The following SFMBT2 variants were observed in gnomAD, a reference collection of about 807,000 sequenced individuals.
The protein encoded by SFMBT2 is scm-like with four MBT domains protein 2.
Under a neutral mutation model 110.1 loss-of-function variants are expected in SFMBT2, and 38 were observed. The observed-to-expected ratio is 0.35, with a 90% CI of 0.27 to 0.45. SFMBT2 has a LOEUF of 0.45. Ranked by LOEUF, SFMBT2 falls within the 20% of genes least tolerant of loss-of-function variation. The pLI is 1.00. For synonymous variants in SFMBT2, 425 were observed against 425.4 expected (o/e 1.00, Z 0.01); for missense variants, 1,011 against 1,094.9 (o/e 0.92, Z 1.08).
chr10:7,208,229 C>G (rs1839213788), intron 11 of SFMBT2, among the ~76,000 whole-genome samples: 1 of 152,134 alleles, frequency 6.6e-6, no homozygotes, highest in Non-Finnish European at 1.5e-5. Context: ...TCCAATAAAG[C>G]AGGTCCCCGG....
intron 9 of SFMBT2, among the ~76,000 whole-genome samples, chr10:7,238,101 C>T (rs1840315158): frequency 6.6e-6 from 1 of 152,162 alleles, no homozygotes; most frequent in Non-Finnish European, 1.5e-5. Flanking sequence ...GTGGAAGGCA[C>T]TGGACAGTCT....
chr10:7,291,318 A>AT (rs1842256277), intron 4 of SFMBT2, among the ~76,000 whole-genome samples: 1 of 152,126 alleles, frequency 6.6e-6, no homozygotes, highest in Admixed American at 6.5e-5. Context: ...AGGGTATTTC[A>AT]TTTTTTGTTG....
chr10:7,345,571 C>T (rs978929439), intron 4 of SFMBT2, among the ~76,000 whole-genome samples: 4 of 152,090 alleles, frequency 2.6e-5, no homozygotes, highest in Admixed American at 2.6e-4. Context: ...GTTGGTCAGG[C>T]TGGTCTCGAA....
chr10:7,194,792 A>T (rs931799578), intron 15 of SFMBT2, among the ~76,000 whole-genome samples: 1 of 152,170 alleles, frequency 6.6e-6, no homozygotes, highest in Non-Finnish European at 1.5e-5. Flanking sequence ...TAGTTTTGTC[A>T]TTAGAAAACT....
At chr10:7,262,789 T>G (rs1421945285) in intron 7 of SFMBT2, among the ~76,000 whole-genome samples, 1 of 152,204 alleles carries the variant, frequency 6.6e-6, no homozygotes, top group Non-Finnish European at 1.5e-5. Flanking sequence ...CTCTTTAGTG[T>G]GTCTCTTATA....
intron 16 of SFMBT2, among the ~76,000 whole-genome samples, chr10:7,180,756 A>G (rs1461661722): frequency 6.6e-6 from 1 of 152,166 alleles, no homozygotes; most frequent in African/African-American, 2.4e-5. Context: ...AGGCCGTCGC[A>G]TGTGGGGACA....
intron 6 of SFMBT2, among the ~76,000 whole-genome samples, chr10:7,278,079 G>A (rs1198263726): frequency 2.6e-5 from 4 of 152,124 alleles, no homozygotes; most frequent in African/African-American, 9.7e-5. Flanking sequence ...ACACACAAAG[G>A]GTAATTCACA....
chr10:7,226,176 C>G (rs1238941662), intron 10 of SFMBT2, among the ~76,000 whole-genome samples: 1 of 152,204 alleles, frequency 6.6e-6, no homozygotes. Flanking sequence ...TGACTGCTCC[C>G]CGGATCATGC....
At chr10:7,249,632 G>T (rs906429261) in intron 7 of SFMBT2, 8 of 787,548 alleles carry the variant, frequency 1.0e-5, no homozygotes, top group Non-Finnish European at 1.1e-5. Flanking sequence ...TTACTCCAAC[G>T]ACGCCACTCT....
chr10:7,328,499 G>A lies in SFMBT2; in HGVS notation c.436+39150C>T, dbSNP rs555986528. On this transcript the variant is annotated intron_variant, in intron 4 of 20. Coordinates refer to ENST00000397167, the MANE Select transcript of SFMBT2 (RefSeq NM_001387889.1). ...ATGAAGTCCACTTTATCAATTTGTT[G>A]TCTGTTCTCATGTCTATGAACTCTT... Among the ~76,000 whole-genome samples, 10 of 152,254 alleles carry A rather than the reference G, an allele frequency of 6.6e-5. 1 individual carries two copies. In the South Asian group the frequency reaches 2.1e-3, roughly 32 times the overall value.
intron 9 of SFMBT2, among the ~76,000 whole-genome samples, chr10:7,240,922 T>C (rs1840408775): frequency 1.3e-5 from 2 of 152,300 alleles, no homozygotes; most frequent in African/African-American, 2.4e-5. Context: ...ATTTACCACA[T>C]TCTTGAATGA....
At chr10:7,178,320 G>A (rs1312294175) in intron 16 of SFMBT2, among the ~76,000 whole-genome samples, 2 of 152,204 alleles carry the variant, frequency 1.3e-5, no homozygotes, top group African/African-American at 4.8e-5. Flanking sequence ...TCTAGATGAA[G>A]GGTATGGAAG....
intron 4 of SFMBT2, among the ~76,000 whole-genome samples, chr10:7,318,429 T>C (rs1843078283): frequency 6.6e-6 from 1 of 152,234 alleles, no homozygotes; most frequent in Non-Finnish European, 1.5e-5. Context: ...GGAGGTGATA[T>C]TGTCCCCACT....
chr10:7,333,028 A>C (rs1411973554), intron 4 of SFMBT2, among the ~76,000 whole-genome samples: 1 of 152,074 alleles, frequency 6.6e-6, no homozygotes, highest in Non-Finnish European at 1.5e-5. Flanking sequence ...CACCACGCCC[A>C]GCTAATTTTT....
intron 1 of SFMBT2, among the ~76,000 whole-genome samples, chr10:7,406,465 TAA>T (rs76194396): frequency 3.7e-4 from 44 of 119,976 alleles, no homozygotes; most frequent in Admixed American, 5.0e-4. Flanking sequence ...GGGCAGTGGT[TAA>T]AAAAAAAAAA....
At chr10:7,386,759 T>G (rs1845618817) in intron 1 of SFMBT2, among the ~76,000 whole-genome samples, 1 of 152,240 alleles carries the variant, frequency 6.6e-6, no homozygotes, top group Non-Finnish European at 1.5e-5. Context: ...ATGGTAAGCA[T>G]GCATTTACGA....
At chr10:7,304,173 T>C (rs1438874065) in intron 4 of SFMBT2, among the ~76,000 whole-genome samples, 2 of 152,172 alleles carry the variant, frequency 1.3e-5, no homozygotes, top group African/African-American at 4.8e-5. Flanking sequence ...TTCACTTGTG[T>C]CTTGGGAGGG....
intron 4 of SFMBT2, among the ~76,000 whole-genome samples, chr10:7,310,519 T>C (rs1470835088): frequency 1.3e-5 from 2 of 152,374 alleles, no homozygotes; most frequent in Admixed American, 6.5e-5. Context: ...GTCCATTCTC[T>C]ATCTGTTCTA....
At chr10:7,180,037 G>A (rs1017637099) in intron 16 of SFMBT2, among the ~76,000 whole-genome samples, 16 of 152,216 alleles carry the variant, frequency 1.1e-4, no homozygotes, top group African/African-American at 2.9e-4. Flanking sequence ...GGCGGATGGC[G>A]TGCTGCCTGG....
Sources: allele counts gnomAD v4.1 joint callset (sites outside exome capture counted in the v4.1 genomes callset), GRCh38; gene constraint gnomAD v4.1.1; transcripts MANE v1.5; gene names NCBI Gene and HGNC (gene_info 2026-07-23, HGNC 2026-07-21).